The following FGF18 variants were observed in gnomAD, a reference collection of about 807,000 sequenced individuals.
FGF18 encodes the protein fibroblast growth factor 18.
A neutral mutation model predicts 23.0 loss-of-function variants in FGF18; 5 were observed. That is an observed-to-expected ratio of 0.22 (90% confidence interval 0.11 to 0.46). The LOEUF (loss-of-function observed/expected upper bound fraction) is 0.46, where lower values mean the gene tolerates loss of function less well. Ranked by LOEUF, FGF18 falls within the 20% of genes least tolerant of loss-of-function variation. The pLI is 0.99. For missense variants in FGF18, 180 were observed against 291.6 expected (o/e 0.62, Z 2.79); for synonymous variants, 117 against 118.9 (o/e 0.98, Z 0.10).
chr5:171,432,470 G>A (rs1312227802), intron 2 of FGF18, among the ~76,000 whole-genome samples: 3 of 152,072 alleles, frequency 2.0e-5, no homozygotes, highest in African/African-American at 7.2e-5. Flanking sequence ...GTGCAGTGGT[G>A]CAATCTCGGC....
intron 2 of FGF18, among the ~76,000 whole-genome samples, chr5:171,422,473 C>A (rs750630085): frequency 2.0e-5 from 3 of 152,156 alleles, no homozygotes; most frequent in Non-Finnish European, 4.4e-5. Flanking sequence ...TGAAACACTG[C>A]ACAAAAATGG....
chr5:171,424,759 C>T (rs1019956017), intron 2 of FGF18, among the ~76,000 whole-genome samples: 3 of 150,078 alleles, frequency 2.0e-5, no homozygotes, highest in Non-Finnish European at 2.9e-5. Flanking sequence ...ATGTGTTGAT[C>T]TGAGAGGGTC....
At chr5:171,435,370 G>T (rs138206633) in intron 2 of FGF18, among the ~76,000 whole-genome samples, 1 of 152,208 alleles carries the variant, frequency 6.6e-6, no homozygotes, top group Non-Finnish European at 1.5e-5. Context: ...AGATGAGCAC[G>T]ATATGTGTTG....
intron 4 of FGF18, among the ~76,000 whole-genome samples, chr5:171,454,135 G>C (rs977618642): frequency 6.6e-6 from 1 of 152,142 alleles, no homozygotes; most frequent in South Asian, 2.1e-4. Flanking sequence ...GCCCATTAAG[G>C]CTTGACGCTT....
chr5:171,449,796 A>G lies in FGF18; in HGVS notation c.357+543A>G, dbSNP rs1051757159. 1.4e-3 allele frequency among the ~76,000 whole-genome samples: 189 copies of G among 132,060 alleles called. 1 individual carries two copies. Among genetic ancestry groups the G allele is most frequent in the African/African-American group, 5.3e-3 (185 of 34,604 alleles). The allele number at this position is 132,060 out of a possible 152,430, so 86.6% of individuals were successfully genotyped here. ...TTTATTACTTTGAAACTGGCAAGAGAGCTGCATTTAACAAATTAGGGTGGG... is the reference window on the plus strand; with the variant it reads ...TTTATTACTTTGAAACTGGCAAGAGGGCTGCATTTAACAAATTAGGGTGGG... On this transcript the variant is annotated intron_variant, in intron 4 of 4. Transcript: ENST00000274625.
In FGF18 at chr5:171,436,038, A is replaced by AT. The variant is rs1772239572; in HGVS notation, c.70-54dup. 2.2e-6 allele frequency: 3 copies of AT among 1,387,758 alleles called. No individual in the cohort carries two copies. Among genetic ancestry groups the AT allele is most frequent in the Non-Finnish European group, 2.8e-6 (3 of 1,054,682 alleles). The allele number at this position is 1,387,758 out of a possible 1,614,324, so 86.0% of individuals were successfully genotyped here. A position where few individuals can be genotyped will look rare whatever the true frequency, so the allele number is the denominator to read the frequency against. On this transcript the variant is annotated intron_variant, in intron 2 of 4. Transcript: ENST00000274625. This position sits in a 1 kb window ranked among gnomAD's most constrained non-coding sequence, Gnocchi z 4.4. ...TGTGGTGGACGTGGCTGGCTCCTGC[A>AT]TGCAGTGGGCCTGGGACATCTGGGG...
Position 171,436,236 on chromosome 5 carries a change from C to T in FGF18, c.213C>T (p.Arg71=), listed in dbSNP as rs1458497895. The T allele has an allele frequency of 3.8e-6, 6 of 1,599,004 alleles. No individual in the cohort carries two copies. Among genetic ancestry groups the T allele is most frequent in the Non-Finnish European group, 4.3e-6 (5 of 1,172,056 alleles). ...TSGKHIQVLG[R]RISARGEDGD... The stretch of plus-strand genomic sequence containing the variant: ...GGAAACACATCCAGGTCCTGGGCCG[C>T]AGGATCAGTGCCCGCGGCGAGGATG... The change falls in exon 3 of 5, where the codon CGC becomes CGT. Residue 71 remains arginine, a synonymous_variant. Coordinates refer to ENST00000274625, the MANE Select transcript of FGF18 (RefSeq NM_003862.3). This position sits in a 1 kb window ranked among gnomAD's most constrained non-coding sequence, Gnocchi z 4.4.
At chr5:171,441,619 G>A (rs1005130423) in intron 3 of FGF18, among the ~76,000 whole-genome samples, 8 of 152,166 alleles carry the variant, frequency 5.3e-5, no homozygotes, top group African/African-American at 1.4e-4. Context: ...GTCGCTATCC[G>A]ACCTGCTGTT....
intron 2 of FGF18, 147 bp downstream of exon 2, chr5:171,420,590 C>A: frequency 1.3e-6 from 1 of 764,066 alleles, no homozygotes; most frequent in Non-Finnish European, 2.1e-6. Context: ...GGAAGGGCGG[C>A]TCCGCGTGCG....
intron 4 of FGF18, among the ~76,000 whole-genome samples, chr5:171,452,774 C>G (rs1324193654): frequency 6.6e-6 from 1 of 152,176 alleles, no homozygotes; most frequent in African/African-American, 2.4e-5. Flanking sequence ...CTCTGCCCAC[C>G]AGCACATCTT....
chr5:171,444,160 C>A (rs1401672006), intron 3 of FGF18, among the ~76,000 whole-genome samples: 1 of 152,174 alleles, frequency 6.6e-6, no homozygotes, highest in Non-Finnish European at 1.5e-5. Context: ...GGTGGACATC[C>A]CCATCCACTA....
At chr5:171,446,952 C>T (rs986839886) in intron 3 of FGF18, among the ~76,000 whole-genome samples, 1 of 151,886 alleles carries the variant, frequency 6.6e-6, no homozygotes, top group African/African-American at 2.4e-5. Flanking sequence ...TGCTGCTCCT[C>T]CACCCTTGCA....
In FGF18 at chr5:171,434,986, C is replaced by A. The variant is rs1176972885; in HGVS notation, c.70-1107C>A. On this transcript the variant is annotated intron_variant, in intron 2 of 4. Coordinates refer to ENST00000274625, the MANE Select transcript of FGF18 (RefSeq NM_003862.3). This position sits in a 1 kb window ranked among gnomAD's most constrained non-coding sequence, Gnocchi z 4.6. ...TGAGGAGGTGACATTTGAGCAGAGA[C>A]CCGAGTGAGCTCAAGGGGTTAGAAT... Among the ~76,000 whole-genome samples the A allele has an allele frequency of 6.6e-6, 1 of 152,048 alleles. No homozygotes were observed. The highest frequency in any genetic ancestry group is 2.1e-4 in the South Asian group (1 of 4,824).
chr5:171,433,019 G>T (rs1023563937), intron 2 of FGF18, among the ~76,000 whole-genome samples: 1 of 152,190 alleles, frequency 6.6e-6, no homozygotes, highest in African/African-American at 2.4e-5. Flanking sequence ...GGTAGGACGT[G>T]TCACACCCTC....
At chr5:171,454,590 C>G (rs1480511224) in intron 4 of FGF18, among the ~76,000 whole-genome samples, 4 of 152,352 alleles carry the variant, frequency 2.6e-5, no homozygotes, top group African/African-American at 9.6e-5. Context: ...TCTTACCCTG[C>G]CTGTCCCTTT....
rs59576538 is a variant in FGF18, at chr5:171,443,501, ATTTTTTTTTTTT to A, written c.251-5626_251-5615del. On this transcript the variant is annotated intron_variant, in intron 3 of 4. Coordinates refer to ENST00000274625, the MANE Select transcript of FGF18 (RefSeq NM_003862.3). ...CAGATAAGTATTCACTGTTATCATC[ATTTTTTTTTTTT>A]TTTTTTTTTTTTTTTTTTTAGCAGA... Among the ~76,000 whole-genome samples, 5 of 63,742 alleles carry A rather than the reference ATTTTTTTTTTTT, an allele frequency of 7.8e-5. No individual in the cohort carries two copies. In the East Asian group the frequency reaches 2.8e-3, roughly 35 times the overall value. The allele number at this position is 63,742 out of a possible 152,430, so 41.8% of individuals were successfully genotyped here.
intron 3 of FGF18, among the ~76,000 whole-genome samples, chr5:171,443,501 ATTTTTT>A (rs59576538): frequency 1.6e-5 from 1 of 63,776 alleles, no homozygotes; most frequent in African/African-American, 6.2e-5. Flanking sequence ...TGTTATCATC[ATTTTTT>A]TTTTTTTTTT....
chr5:171,456,988 A>G lies in FGF18; in HGVS notation c.*183A>G. ...AGGGGTGATAAGGATTTTATTGTTGACTTGAAACCCCCGATGACAAAAGAC... is the reference window on the plus strand; with the variant it reads ...AGGGGTGATAAGGATTTTATTGTTGGCTTGAAACCCCCGATGACAAAAGAC... On this transcript the variant is annotated 3_prime_UTR_variant, in exon 5 of 5. Transcript: ENST00000274625. The surrounding 1 kb of genome is among the most constrained non-coding windows in gnomAD (Gnocchi z 6.1). The G allele has an allele frequency of 4.1e-6, 3 of 737,702 alleles. No individual in the cohort carries two copies. Among genetic ancestry groups the G allele is most frequent in the Non-Finnish European group, 6.4e-6 (3 of 468,860 alleles). 45.7% of individuals were successfully genotyped at this position (737,702 alleles called of 1,614,324 possible).
rs1417364571 is a variant in FGF18 at position 171,456,802 on chromosome 5, C to T, written c.621C>T (p.Ala207=). Residue 207 remains alanine, a synonymous_variant, in exon 5 of 5, where the codon GCC becomes GCT. Transcript: ENST00000274625. The surrounding 1 kb of genome is among the most constrained non-coding windows in gnomAD (Gnocchi z 6.1). ...GTCGGATCCGGCCCACACACCCTGC[C>T]TAGGCCACCCCGCCGCGGCCCCTCA... ...RSRRIRPTHP[A] 1 of 1,606,072 alleles carries T rather than the reference C, an allele frequency of 6.2e-7. No homozygotes were observed. Among genetic ancestry groups the T allele is most frequent in the Non-Finnish European group, 8.5e-7 (1 of 1,174,816 alleles).
Sources: allele counts gnomAD v4.1 joint callset (sites outside exome capture counted in the v4.1 genomes callset), GRCh38; gene constraint gnomAD v4.1.1; non-coding constraint Gnocchi (gnomAD v3.1); transcripts MANE v1.5; gene names NCBI Gene and HGNC (gene_info 2026-07-23, HGNC 2026-07-21).